Variants in DYNAP observed in about 807,000 individuals in gnomAD.
DYNAP encodes dynactin-associated protein.
In DYNAP, 7 loss-of-function variants were observed where a neutral mutation model predicts 8.5. The ratio of observed to expected loss-of-function variants is 0.82; its 90% CI spans 0.47 to 1.54. The LOEUF is 1.54. Among genes scored for constraint, DYNAP ranks in the 40% most tolerant of loss-of-function variants. DYNAP has a pLI of 0.01. For missense variants in DYNAP, 256 were observed against 224.3 expected, an observed-to-expected ratio of 1.14 and a Z score of -0.90; for synonymous variants, 77 against 77.9, an observed-to-expected ratio of 0.99 and a Z score of 0.06.
intron 2 of DYNAP, among the ~76,000 whole-genome samples, chr18:54,597,366 A>G (rs760096224): frequency 2.4e-4 from 36 of 152,088 alleles, no homozygotes; most frequent in Non-Finnish European, 2.4e-4. Flanking sequence ...TACACCAACA[A>G]GAGTGAACCC....
intron 2 of DYNAP, among the ~76,000 whole-genome samples, chr18:54,596,835 C>T (rs145510397): frequency 2.1e-4 from 32 of 152,184 alleles, no homozygotes; most frequent in East Asian, 1.5e-3. Context: ...GGAAAGAGGA[C>T]GTTATTTGTC....
At chr18:54,585,886 T>C (rs1350284581), upstream of DYNAP, among the ~76,000 whole-genome samples, 3 of 152,194 alleles carry the variant, frequency 2.0e-5, no homozygotes, top group African/African-American at 7.2e-5. Flanking sequence ...AGCCAAGTCC[T>C]AACTTTGAAC....
the DYNAP span, among the ~76,000 whole-genome samples, chr18:54,578,115 G>GGA: frequency 2.0e-5 from 3 of 152,202 alleles, no homozygotes; most frequent in East Asian, 5.8e-4. Flanking sequence ...TATCAGTCCT[G>GGA]GAGAGGGAGA....
At chr18:54,577,918 C>T in the DYNAP span, among the ~76,000 whole-genome samples, 2 of 146,018 alleles carry the variant, frequency 1.4e-5, no homozygotes, top group African/African-American at 5.1e-5. Flanking sequence ...CAGGCGAGAT[C>T]AGGCCACTGC....
chr18:54,594,794 G>C lies in DYNAP; in HGVS notation c.58-145G>C, dbSNP rs907247033. 37 of 873,200 alleles carry C rather than the reference G, an allele frequency of 4.2e-5. No individual in the cohort carries two copies. The African/African-American group carries it at 6.2e-4, about 15-fold the overall frequency. 54.1% of individuals were successfully genotyped at this position (873,200 alleles called of 1,614,324 possible). A position where few individuals can be genotyped will look rare whatever the true frequency, so the allele number is the denominator to read the frequency against. On this transcript the variant is annotated intron_variant, in intron 1 of 2. Transcript: ENST00000648945. ...AGTATAATATATAATAATCTGTCTA[G>C]ATTTTTTTATCTTCAGGGGATAAGA...
In DYNAP at chr18:54,594,976, C is replaced by T; in HGVS notation, c.95C>T (p.Ser32Phe). 1 of 1,612,532 alleles carries T rather than the reference C, an allele frequency of 6.2e-7. No homozygotes were observed. Among genetic ancestry groups the T allele is most frequent in the Non-Finnish European group, 8.5e-7 (1 of 1,179,104 alleles). ...CCAAATGACCAAGAGGCTCACAGTT[C>T]CATATGCTGGTGTCTACCTTCAAAT... is the stretch of plus-strand genomic sequence containing the variant. ...THPNDQEAHS[S>F]ICWCLPSNDI... Residue 32 changes from serine to phenylalanine, a missense_variant, in exon 2 of 3, where the codon TCC becomes TTC. Physicochemically the swap from Ser to Phe is radical, Grantham distance 155 (BLOSUM62 -2). Coordinates refer to ENST00000648945, the MANE Select transcript of DYNAP (RefSeq NM_173629.3).
rs1315621302 is a variant in DYNAP at position 54,598,492 on chromosome 18, C to T, written c.*347C>T. ...CTCTTTTCCAACAATGTATAATCTC[C>T]ACCTATTCATCTGAGGACTAAGCTC... On this transcript the variant is annotated 3_prime_UTR_variant, in exon 3 of 3. Transcript: ENST00000648945. 4.6e-6 allele frequency: 1 copy of T among 217,314 alleles called. No homozygotes were observed. The highest frequency in any genetic ancestry group is 9.7e-5 in the East Asian group (1 of 10,286). 13.5% of individuals were successfully genotyped at this position (217,314 alleles called of 1,614,324 possible).
the DYNAP span, among the ~76,000 whole-genome samples, chr18:54,577,369 T>G: frequency 6.6e-6 from 1 of 152,036 alleles, no homozygotes; most frequent in Admixed American, 6.6e-5. Flanking sequence ...AGAGGACCAC[T>G]TGAGCCCAGG....
At chr18:54,596,526 A>G (rs1911297157) in intron 2 of DYNAP, among the ~76,000 whole-genome samples, 1 of 152,172 alleles carries the variant, frequency 6.6e-6, no homozygotes, top group African/African-American at 2.4e-5. Flanking sequence ...ACCCAGATGA[A>G]TCTAATGTAC....
chr18:54,594,330 A>G (rs1399490397), intron 1 of DYNAP, among the ~76,000 whole-genome samples: 2 of 152,168 alleles, frequency 1.3e-5, no homozygotes, highest in Non-Finnish European at 2.9e-5. Context: ...TGGATAGAGC[A>G]TGGTATGAAT....
upstream of DYNAP, among the ~76,000 whole-genome samples, chr18:54,585,802 A>G (rs1045858567): frequency 1.3e-5 from 2 of 152,090 alleles, no homozygotes; most frequent in Non-Finnish European, 2.9e-5. Flanking sequence ...TACGAGTTCT[A>G]TGAGCTGCTC....
chr18:54,576,354 C>A, the DYNAP span, among the ~76,000 whole-genome samples: 116 of 152,256 alleles, frequency 7.6e-4, no homozygotes, highest in African/African-American at 2.6e-3. Flanking sequence ...ATTTTCCACT[C>A]TCACCAGTAA....
upstream of DYNAP, among the ~76,000 whole-genome samples, chr18:54,589,845 GAATCAAAAAATC>G (rs1754164667): frequency 6.6e-6 from 1 of 151,922 alleles, no homozygotes; most frequent in African/African-American, 2.4e-5. Flanking sequence ...ATTTTCAAAT[GAATCAAAAAATC>G]AATCAAAAAG....
the DYNAP span, among the ~76,000 whole-genome samples, chr18:54,576,916 T>C: frequency 6.6e-6 from 1 of 152,218 alleles, no homozygotes; most frequent in African/African-American, 2.4e-5. Context: ...TTACTTTTGA[T>C]TACTTAGCCC....
At chr18:54,580,411 C>G in the DYNAP span, among the ~76,000 whole-genome samples, 10 of 152,194 alleles carry the variant, frequency 6.6e-5, no homozygotes, top group African/African-American at 4.8e-5. Context: ...CCACTATTAT[C>G]GTGTCAAATT....
the DYNAP span, among the ~76,000 whole-genome samples, chr18:54,576,605 C>T: frequency 6.6e-6 from 1 of 151,254 alleles, no homozygotes; most frequent in African/African-American, 2.4e-5. Flanking sequence ...TCGAGACCAG[C>T]CTGAGCAACA....
At chr18:54,587,809 T>C, upstream of DYNAP, 2 of 400,574 alleles carry the variant, frequency 5.0e-6, no homozygotes, top group Non-Finnish European at 8.9e-6. Context: ...TTTGGATCTA[T>C]AGGAGAAAGA....
chr18:54,578,187 T>C, the DYNAP span, among the ~76,000 whole-genome samples: 85 of 152,110 alleles, frequency 5.6e-4, no homozygotes, highest in African/African-American at 4.6e-4. Context: ...AATCCTCTCA[T>C]GGACTGGCCC....
chr18:54,582,811 T>C (rs1599441780), upstream of DYNAP, among the ~76,000 whole-genome samples: 1 of 152,212 alleles, frequency 6.6e-6, no homozygotes, highest in East Asian at 1.9e-4. Context: ...TTCCACCACA[T>C]TCATTTTACT....
Sources: gnomAD v4.1 joint callset for allele counts (sites outside exome capture counted in the v4.1 genomes callset) on GRCh38, gnomAD v4.1.1 for gene constraint, MANE v1.5 for transcripts, NCBI Gene and HGNC (gene_info 2026-07-23, HGNC 2026-07-21) for gene names.